Variants in CACNA2D3 observed in about 807,000 individuals in gnomAD.
CACNA2D3 encodes the protein voltage-dependent calcium channel subunit alpha-2/delta-3.
A neutral mutation model predicts 160.6 loss-of-function variants in CACNA2D3; 60 were observed. The observed-to-expected ratio is 0.37, with a 90% CI of 0.30 to 0.46. The LOEUF is 0.46. CACNA2D3 is among the 20% of genes least tolerant of loss of function. CACNA2D3 has a pLI of 1.00. For missense variants in CACNA2D3, 1,205 were observed against 1,365.0 expected (o/e 0.88, Z 1.85); for synonymous variants, 558 against 492.9 (o/e 1.13, Z -1.75).
intron 18 of CACNA2D3, among the ~76,000 whole-genome samples, chr3:54,873,958 G>T (rs572273843): frequency 1.3e-5 from 2 of 152,290 alleles, no homozygotes; most frequent in Admixed American, 6.5e-5. Flanking sequence ...ATTTGCACCT[G>T]AGTAGCAGAG....
At chr3:54,774,629 A>ATT (rs111655457) in intron 13 of CACNA2D3, among the ~76,000 whole-genome samples, 32,412 of 107,478 alleles carry the variant, frequency 0.3, 5,746 homozygotes, top group Non-Finnish European at 0.35. Context: ...CTCTTTGACT[A>ATT]TTTTTTTTTT....
intron 3 of CACNA2D3, among the ~76,000 whole-genome samples, chr3:54,328,280 TG>T (rs1427864184): frequency 1.3e-5 from 2 of 152,134 alleles, no homozygotes; most frequent in Non-Finnish European, 2.9e-5. Flanking sequence ...TTGTTTCGTT[TG>T]TTTGTTTTTT....
intron 37 of CACNA2D3, 21 bp downstream of exon 37, chr3:55,073,880 TGTTTCC>T (rs1488124486): frequency 6.3e-7 from 1 of 1,596,326 alleles, no homozygotes; most frequent in East Asian, 2.2e-5. Context: ...GAACTGTTCC[TGTTTCC>T]TTTTCCCATC....
At chr3:54,628,193 T>A (rs1190946134) in intron 10 of CACNA2D3, among the ~76,000 whole-genome samples, 1 of 151,802 alleles carries the variant, frequency 6.6e-6, no homozygotes, top group Non-Finnish European at 1.5e-5. Context: ...GATTGTGCAC[T>A]CCAGCCTGGG....
chr3:54,259,757 G>A (rs748963981), intron 2 of CACNA2D3, among the ~76,000 whole-genome samples: 14 of 152,132 alleles, frequency 9.2e-5, no homozygotes, highest in East Asian at 1.9e-4. Context: ...AAAATTAAAC[G>A]TCCATTTAGT....
At chr3:54,839,679 C>G (rs138419537) in intron 16 of CACNA2D3, among the ~76,000 whole-genome samples, 2 of 152,156 alleles carry the variant, frequency 1.3e-5, no homozygotes, top group African/African-American at 4.8e-5. Context: ...TTGGCACCAC[C>G]CTCCCTGATG....
chr3:54,687,392 C>T (rs957028983), intron 11 of CACNA2D3, among the ~76,000 whole-genome samples: 1 of 151,100 alleles, frequency 6.6e-6, no homozygotes, highest in Non-Finnish European at 1.5e-5. Flanking sequence ...CCTCGTGATC[C>T]GCCTGCCTTG....
intron 9 of CACNA2D3, among the ~76,000 whole-genome samples, chr3:54,625,732 C>T (rs1699083555): frequency 1.3e-5 from 2 of 152,186 alleles, no homozygotes; most frequent in Non-Finnish European, 2.9e-5. Context: ...ACACTGGCAC[C>T]ATCTTGCCAG....
At chr3:54,906,658 G>A (rs1033466613) in intron 27 of CACNA2D3, among the ~76,000 whole-genome samples, 1 of 152,194 alleles carries the variant, frequency 6.6e-6, no homozygotes, top group African/African-American at 2.4e-5. Context: ...CTGATGAGTA[G>A]GTGGGTAGCT....
intron 2 of CACNA2D3, among the ~76,000 whole-genome samples, chr3:54,319,177 C>CACAT (rs1196111125): frequency 6.7e-6 from 1 of 150,360 alleles, no homozygotes; most frequent in Non-Finnish European, 1.5e-5. Context: ...CACACACACA[C>CACAT]ACACACACAC....
rs148541838 is a variant in CACNA2D3, at chr3:54,871,431, A to G, written c.1627-108A>G. On this transcript the variant is annotated intron_variant, in intron 17 of 37. Coordinates refer to ENST00000474759, the MANE Select transcript of CACNA2D3 (RefSeq NM_018398.3). The stretch of plus-strand genomic sequence containing the variant: ...CTGGGCTTCTCACCCTCATCGGTCC[A>G]CTCCCAAGCCCTGTCCATGAAACAG... The G allele has an allele frequency of 7.7e-4, 586 of 757,996 alleles. 6 individuals carry two copies. The African/African-American group carries it at 7.8e-3, about 10-fold the overall frequency. 47.0% of individuals were successfully genotyped at this position (757,996 alleles called of 1,614,324 possible). A position where few individuals can be genotyped will look rare whatever the true frequency, so the allele number is the denominator to read the frequency against.
chr3:54,467,629 T>G (rs1429760416), intron 4 of CACNA2D3, among the ~76,000 whole-genome samples: 1 of 152,040 alleles, frequency 6.6e-6, no homozygotes, highest in Non-Finnish European at 1.5e-5. Context: ...GCCAGGCACA[T>G]AAGGAAAAAT....
intron 11 of CACNA2D3, among the ~76,000 whole-genome samples, chr3:54,676,319 G>C (rs1026376843): frequency 6.6e-6 from 1 of 152,136 alleles, no homozygotes; most frequent in African/African-American, 2.4e-5. Flanking sequence ...ATGATTGAAA[G>C]AATGGTTTTA....
chr3:54,962,705 C>A lies in CACNA2D3; in HGVS notation c.2450-5745C>A, dbSNP rs961184347. On this transcript the variant is annotated intron_variant, in intron 27 of 37. Coordinates refer to ENST00000474759, the MANE Select transcript of CACNA2D3 (RefSeq NM_018398.3). ...CAAAACAACTCCTGATTGGAATTCA[C>A]TGATGGTGGCAGGATTGTTTTTCTG... 2.0e-5 allele frequency among the ~76,000 whole-genome samples: 3 copies of A among 152,254 alleles called. No homozygotes were observed. In the East Asian group the frequency reaches 5.8e-4, roughly 29 times the overall value.
chr3:54,629,009 A>AT (rs1337200147), intron 10 of CACNA2D3, among the ~76,000 whole-genome samples: 4 of 152,128 alleles, frequency 2.6e-5, no homozygotes, highest in Non-Finnish European at 4.4e-5. Flanking sequence ...ATTGCTTAGA[A>AT]AGACCTTGAT....
At chr3:54,836,276 C>T (rs1188444617) in intron 14 of CACNA2D3, among the ~76,000 whole-genome samples, 1 of 146,726 alleles carries the variant, frequency 6.8e-6, no homozygotes, top group East Asian at 2.0e-4. Context: ...GCTCTGTCAC[C>T]CAGCCTGGAG....
chr3:54,562,808 A>G lies in CACNA2D3; in HGVS notation c.553A>G (p.Ile185Val), dbSNP rs761681148. ...PTNMYNKDPA[I>V]VNGVYWSESL... ...CTCTTTCTTTTTTACAGACCCTGCAATTGTCAATGGGGTTTATTGGTCTGA... is the reference window on the plus strand; with the variant it reads ...CTCTTTCTTTTTTACAGACCCTGCAGTTGTCAATGGGGTTTATTGGTCTGA... Residue 185 changes from isoleucine to valine, a missense_variant, in exon 6 of 38, where the codon ATT (isoleucine) becomes GTT (valine). Transcript: ENST00000474759. The G allele has an allele frequency of 3.2e-5, 52 of 1,612,160 alleles. No homozygotes were observed. Among genetic ancestry groups the G allele is most frequent in the Non-Finnish European group, 3.9e-5 (46 of 1,178,636 alleles).
At chr3:54,432,252 C>T (rs1441743249) in intron 4 of CACNA2D3, among the ~76,000 whole-genome samples, 3 of 152,092 alleles carry the variant, frequency 2.0e-5, no homozygotes, top group Non-Finnish European at 4.4e-5. Context: ...TCCTTCTGAA[C>T]CTTCTAATTT....
intron 13 of CACNA2D3, among the ~76,000 whole-genome samples, chr3:54,816,059 CA>C (rs1703442580): frequency 6.6e-6 from 1 of 152,170 alleles, no homozygotes; most frequent in East Asian, 1.9e-4. Context: ...TCTTTTTCCA[CA>C]TACCTATTAA....
Sources: allele counts gnomAD v4.1 joint callset (sites outside exome capture counted in the v4.1 genomes callset), GRCh38; gene constraint gnomAD v4.1.1; transcripts MANE v1.5; gene names NCBI Gene and HGNC (gene_info 2026-07-23, HGNC 2026-07-21).